Variants in GMDS observed in about 807,000 individuals in gnomAD.
GMDS encodes GDP-mannose 4,6 dehydratase.
Under a neutral mutation model 49.9 loss-of-function variants are expected in GMDS, and 20 were observed. The observed-to-expected ratio is 0.40, with a 90% CI of 0.28 to 0.58. The LOEUF (loss-of-function observed/expected upper bound fraction) is 0.58. GMDS is among the 20% of genes least tolerant of loss of function. The pLI, the probability that GMDS is intolerant of heterozygous loss-of-function variation, is 0.42. For synonymous variants in GMDS, 177 were observed against 178.6 expected (o/e 0.99, Z 0.07); for missense variants, 362 against 481.4 (o/e 0.75, Z 2.32).
chr6:1,652,326 C>T (rs1350613993), intron 9 of GMDS, among the ~76,000 whole-genome samples: 12 of 116,024 alleles, frequency 1.0e-4, no homozygotes, highest in African/African-American at 3.1e-4. Flanking sequence ...GAGCTGAGAT[C>T]GTGCCATTGC....
intron 9 of GMDS, among the ~76,000 whole-genome samples, chr6:1,654,734 T>C (rs181716790): frequency 6.6e-6 from 1 of 152,238 alleles, no homozygotes; most frequent in Admixed American, 6.5e-5. Context: ...ATGGTTAAGA[T>C]GTAAGTTTTA....
intron 7 of GMDS, among the ~76,000 whole-genome samples, chr6:1,752,358 CA>C (rs1271891977): frequency 5.3e-5 from 8 of 152,322 alleles, no homozygotes; most frequent in African/African-American, 1.7e-4. Context: ...AAGGAATGAA[CA>C]AAGCCTTCAA....
intron 9 of GMDS, among the ~76,000 whole-genome samples, chr6:1,656,618 G>C (rs1763889860): frequency 6.6e-6 from 1 of 152,026 alleles, no homozygotes; most frequent in South Asian, 2.1e-4. Flanking sequence ...ACAAAAATTA[G>C]CTGGGTGTGG....
At chr6:2,019,913 C>T (rs1768166498) in intron 4 of GMDS, among the ~76,000 whole-genome samples, 1 of 152,178 alleles carries the variant, frequency 6.6e-6, no homozygotes, top group East Asian at 1.9e-4. Context: ...ATGAAACCAA[C>T]CTTGCATTCC....
chr6:1,999,652 GA>G (rs1766532799), intron 4 of GMDS, among the ~76,000 whole-genome samples: 1 of 148,340 alleles, frequency 6.7e-6, no homozygotes, highest in Non-Finnish European at 1.5e-5. Context: ...AGAGACATCA[GA>G]AACATAAAAA....
chr6:1,723,596 A>T (rs9378653), intron 9 of GMDS, among the ~76,000 whole-genome samples: 124,828 of 149,294 alleles, frequency 0.84, 52,640 homozygotes, highest in East Asian at 1. Context: ...CTTTATGGCA[A>T]TTTTTTTTTC....
intron 4 of GMDS, among the ~76,000 whole-genome samples, chr6:2,114,932 T>C (rs1002582019): frequency 1.3e-5 from 2 of 150,462 alleles, no homozygotes; most frequent in African/African-American, 4.8e-5. Flanking sequence ...ACTCCTGTAC[T>C]TGTTCATTAA....
intron 7 of GMDS, among the ~76,000 whole-genome samples, chr6:1,831,939 C>T (rs1349370586): frequency 2.0e-5 from 3 of 152,020 alleles, no homozygotes; most frequent in Non-Finnish European, 2.9e-5. Context: ...TGTCTGGTCA[C>T]AGTTGGTTTG....
chr6:2,092,823 G>A lies in GMDS; in HGVS notation c.345+22948C>T, dbSNP rs1011705977. Among the ~76,000 whole-genome samples, 15 of 152,126 alleles carry A rather than the reference G, an allele frequency of 9.9e-5. 1 individual carries two copies. Among genetic ancestry groups the A allele is most frequent in the Middle Eastern group, 3.4e-3 (1 of 294 alleles). On this transcript the variant is annotated intron_variant, in intron 4 of 10. Coordinates refer to ENST00000380815, the MANE Select transcript of GMDS (RefSeq NM_001500.4). ...AAAAAATTCATGCAAAAACTCCATAGGTATAAGTTGGACATTTTAGATATC... is the reference window on the plus strand; with the variant it reads ...AAAAAATTCATGCAAAAACTCCATAAGTATAAGTTGGACATTTTAGATATC...
chr6:2,039,285 G>A (rs1444490429), intron 4 of GMDS, among the ~76,000 whole-genome samples: 1 of 152,122 alleles, frequency 6.6e-6, no homozygotes, highest in Non-Finnish European at 1.5e-5. Flanking sequence ...GAGAGTGAGT[G>A]AGTGGTGAGT....
At chr6:2,243,304 C>T (rs1185775617) in intron 1 of GMDS, among the ~76,000 whole-genome samples, 1 of 152,184 alleles carries the variant, frequency 6.6e-6, no homozygotes, top group Non-Finnish European at 1.5e-5. Context: ...TTCCTGGCCA[C>T]TCAGTTCCAG....
At chr6:2,175,740 T>C (rs1017809080) in intron 1 of GMDS, among the ~76,000 whole-genome samples, 1 of 152,192 alleles carries the variant, frequency 6.6e-6, no homozygotes, top group Non-Finnish European at 1.5e-5. Context: ...ATAAATAAAA[T>C]ATCCAATAAC....
chr6:2,241,000 T>C (rs1249073163), intron 1 of GMDS, among the ~76,000 whole-genome samples: 1 of 152,194 alleles, frequency 6.6e-6, no homozygotes, highest in African/African-American at 2.4e-5. Flanking sequence ...GAGGTTGGCA[T>C]GGATAAAAGG....
At chr6:1,939,906 T>G (rs896776116) in intron 6 of GMDS, among the ~76,000 whole-genome samples, 1 of 152,188 alleles carries the variant, frequency 6.6e-6, no homozygotes, top group Non-Finnish European at 1.5e-5. Context: ...GATGATGCCG[T>G]AGACGTAAGG....
intron 1 of GMDS, among the ~76,000 whole-genome samples, chr6:2,217,530 G>A (rs1273168593): frequency 6.6e-6 from 1 of 152,042 alleles, no homozygotes; most frequent in East Asian, 1.9e-4. Context: ...CCTTTTACTG[G>A]GGTAAGGTAG....
chr6:1,815,318 T>C (rs1394111231), intron 7 of GMDS, among the ~76,000 whole-genome samples: 1 of 152,262 alleles, frequency 6.6e-6, no homozygotes, highest in Non-Finnish European at 1.5e-5. Context: ...CAAATGTATA[T>C]AATAAGGGAT....
At chr6:1,742,843 T>C (rs969674157) in intron 7 of GMDS, among the ~76,000 whole-genome samples, 5 of 152,190 alleles carry the variant, frequency 3.3e-5, no homozygotes, top group African/African-American at 4.8e-5. Flanking sequence ...TCTCAGAATA[T>C]TTATCCTTAA....
chr6:2,145,538 A>AAAATAAATAAATAAAT (rs36139025), intron 1 of GMDS, among the ~76,000 whole-genome samples: 17 of 148,356 alleles, frequency 1.1e-4, no homozygotes, highest in Non-Finnish European at 2.1e-4. Context: ...ACTCTGTCTC[A>AAAATAAATAAATAAAT]AAATAAATAA....
chr6:2,230,020 C>T (rs200047292), intron 1 of GMDS, among the ~76,000 whole-genome samples: 2 of 127,328 alleles, frequency 1.6e-5, no homozygotes, highest in East Asian at 2.1e-4. Context: ...TGAAGACCTC[C>T]CTCCAGAGTC....
Sources: gnomAD v4.1 joint callset for allele counts (sites outside exome capture counted in the v4.1 genomes callset) on GRCh38, gnomAD v4.1.1 for gene constraint, MANE v1.5 for transcripts, NCBI Gene and HGNC (gene_info 2026-07-23, HGNC 2026-07-21) for gene names.